The following PSG9 variants were observed in gnomAD, a reference collection of about 807,000 sequenced individuals.
PSG9 encodes pregnancy-specific beta-1-glycoprotein 9.
PSG9 carries 49 observed loss-of-function variants against 41.9 expected under a neutral mutation model. The observed-to-expected ratio is 1.17, with a 90% CI of 0.93 to 1.48. The LOEUF is 1.48. Among genes scored for constraint, PSG9 ranks in the 40% most tolerant of loss-of-function variants. The probability of loss-of-function intolerance (pLI) is 0.00; values close to 1 mark genes in which losing one functional copy is unlikely to be tolerated. For synonymous variants in PSG9, 263 were observed against 196.8 expected, an observed-to-expected ratio of 1.34 and a Z score of -2.82; for missense variants, 641 against 520.3, an observed-to-expected ratio of 1.23 and a Z score of -2.26.
At chr19:43,260,269 T>A (rs941482389) in intron 3 of PSG9, 1 of 147,278 alleles carries the variant, frequency 6.8e-6, no homozygotes, top group African/African-American at 2.6e-5. Flanking sequence ...TAGAGCTTGA[T>A]GCCTATAGTT....
At chr19:43,265,678 TC>T (rs1968931713) in intron 2 of PSG9, among the ~76,000 whole-genome samples, 3 of 152,088 alleles carry the variant, frequency 2.0e-5, no homozygotes, top group South Asian at 4.1e-4. Context: ...AAAATCTTTC[TC>T]CGACTACAGA....
chr19:43,262,240 C>T (rs8108259), intron 2 of PSG9, 102 bp from the exon 3 acceptor site: 1 of 1,530,186 alleles, frequency 6.5e-7, no homozygotes, highest in Non-Finnish European at 8.8e-7. Flanking sequence ...CAGCCCAACC[C>T]AGTCCTTAAA....
intron 2 of PSG9, among the ~76,000 whole-genome samples, chr19:43,266,030 G>C (rs573241379): frequency 1.3e-5 from 2 of 151,818 alleles, no homozygotes; most frequent in Non-Finnish European, 2.9e-5. Flanking sequence ...CTAGGGGTGG[G>C]GGAAGAAGCT....
chr19:43,262,579 G>A (rs778550327), intron 2 of PSG9, among the ~76,000 whole-genome samples: 8 of 152,188 alleles, frequency 5.3e-5, no homozygotes, highest in Non-Finnish European at 8.8e-5. Context: ...CTAGAGATGG[G>A]TGATGGAACT....
rs1968435653 is a variant in PSG9, at chr19:43,256,113, G to A, written c.1243+2089C>T. Among the ~76,000 whole-genome samples the A allele has an allele frequency of 1.4e-5, 2 of 146,658 alleles. 1 individual carries two copies. Among genetic ancestry groups the A allele is most frequent in the African/African-American group, 5.2e-5 (2 of 38,586 alleles). On this transcript the variant is annotated intron_variant, in intron 5 of 5. Transcript: ENST00000270077. ...GATTTCAGCATTTACAATGGGGAAG[G>A]GACAGTGTTCTCACCAAAGGATATT... is the stretch of plus-strand genomic sequence containing the variant.
At chr19:43,263,227 C>T (rs1013461398) in intron 2 of PSG9, among the ~76,000 whole-genome samples, 2 of 152,036 alleles carry the variant, frequency 1.3e-5, no homozygotes, top group South Asian at 2.1e-4. Context: ...GTGTGCAGTT[C>T]CAGTTATGCA....
At chr19:43,268,477 C>A (rs1969091065) in intron 1 of PSG9, among the ~76,000 whole-genome samples, 1 of 152,166 alleles carries the variant, frequency 6.6e-6, no homozygotes, top group Non-Finnish European at 1.5e-5. Flanking sequence ...CACATCAGGG[C>A]ATCCTTAGAC....
chr19:43,267,626 G>T (rs1865183843), intron 2 of PSG9, among the ~76,000 whole-genome samples, 158 bp downstream of exon 2: 1 of 152,118 alleles, frequency 6.6e-6, no homozygotes. Context: ...GTTGAAATTT[G>T]TCTCCTCTGT....
rs1968572059 is a variant in PSG9 at position 43,258,898 on chromosome 19, T to C, written c.947A>G (p.Tyr316Cys). The C allele has an allele frequency of 3.8e-6, 6 of 1,584,080 alleles. No individual in the cohort carries two copies. Among genetic ancestry groups the C allele is most frequent in the Non-Finnish European group, 4.3e-6 (5 of 1,170,996 alleles). Reference protein sequence around the residue: ...GPYQCEIRDRYGGLRSNPVIL... With the variant: ...GPYQCEIRDRCGGLRSNPVIL... ...GACTGGGTTACTGCGGAGGCCACCA[T>C]ATCGGTCCCGTATTTCACATTGATA... The change falls in exon 4 of 6, where the codon TAT becomes TGT. Residue 316 changes from tyrosine to cysteine, a missense_variant. By Grantham distance (194) the Tyr-to-Cys change is radical. Transcript: ENST00000270077.
At chr19:43,257,702 T>G in intron 5 of PSG9, 1 of 1,120,852 alleles carries the variant, frequency 8.9e-7, no homozygotes, top group Non-Finnish European at 1.1e-6. Flanking sequence ...GCAGGGCCAG[T>G]CACCAGAGGA....
At position 43,269,515 on chromosome 19, in the gene PSG9, T is replaced by C. The variant is rs1478032376; in HGVS notation, c.-84A>G. On this transcript the variant is annotated 5_prime_UTR_variant, in exon 1 of 6. Coordinates refer to ENST00000270077, the MANE Select transcript of PSG9 (RefSeq NM_002784.5). Reference sequence around the variant, plus strand: ...CTGAGCACGGCTGTCAGCTGTGCTGTCCTTCCTCCTTCTGTGCTGAGCCTC... The same window carrying C: ...CTGAGCACGGCTGTCAGCTGTGCTGCCCTTCCTCCTTCTGTGCTGAGCCTC... 1.9e-6 allele frequency: 3 copies of C among 1,571,110 alleles called. No homozygotes were observed. Among genetic ancestry groups the C allele is most frequent in the Non-Finnish European group, 2.6e-6 (3 of 1,149,146 alleles).
intron 2 of PSG9, among the ~76,000 whole-genome samples, chr19:43,263,450 C>G (rs1968820257): frequency 6.6e-6 from 1 of 152,086 alleles, no homozygotes; most frequent in African/African-American, 2.4e-5. Flanking sequence ...TTTAGCATCA[C>G]ATCAGTGGTC....
Position 43,253,968 on chromosome 19 carries a change from A to G in PSG9, c.1244-322T>C, listed in dbSNP as rs59062065. On this transcript the variant is annotated intron_variant, in intron 5 of 5. Transcript: ENST00000270077. ...TGTCTTCCCTGATAAATTACCTTGTATGTCTAATCCCATCTTGGATGCATC... is the reference window on the plus strand; with the variant it reads ...TGTCTTCCCTGATAAATTACCTTGTGTGTCTAATCCCATCTTGGATGCATC... 1.4e-5 allele frequency among the ~76,000 whole-genome samples: 2 copies of G among 145,854 alleles called. 1 individual carries two copies. Among genetic ancestry groups the G allele is most frequent in the South Asian group, 4.4e-4 (2 of 4,578 alleles).
chr19:43,266,546 A>G (rs919424431), intron 2 of PSG9, among the ~76,000 whole-genome samples: 3 of 151,954 alleles, frequency 2.0e-5, no homozygotes, highest in Non-Finnish European at 4.4e-5. Context: ...GAAACACAGG[A>G]TTTCACGTTC....
chr19:43,261,201 A>T (rs547519403), intron 3 of PSG9, among the ~76,000 whole-genome samples: 1 of 152,244 alleles, frequency 6.6e-6, no homozygotes, highest in East Asian at 1.9e-4. Flanking sequence ...CCAGGGACCC[A>T]CTTACCAGGG....
Position 43,262,138 on chromosome 19 carries a change from A to G in PSG9, c.431T>C (p.Leu144Ser), listed in dbSNP as rs1255458134. 6 of 1,612,568 alleles carry G rather than the reference A, an allele frequency of 3.7e-6. No homozygotes were observed. Among genetic ancestry groups the G allele is most frequent in the Non-Finnish European group, 5.1e-6 (6 of 1,179,074 alleles). Residue 144 changes from leucine to serine, a missense_variant and splice_region_variant, in exon 3 of 6, where the codon TTG becomes TCG. Leu to Ser is a moderately radical substitution (Grantham distance 145). Transcript: ENST00000270077. Reference sequence around the variant, plus strand: ...GGAGATGTAGGGCTTGGGAGTCTCCACTGTGCAGAAAACAGAGAGAAGATT... The same window carrying G: ...GGAGATGTAGGGCTTGGGAGTCTCCGCTGTGCAGAAAACAGAGAGAAGATT... ...EIRHFTFTLY[L>S]ETPKPYISSS...
intron 2 of PSG9, among the ~76,000 whole-genome samples, chr19:43,264,573 T>C (rs1029308908): frequency 6.6e-6 from 1 of 152,102 alleles, no homozygotes; most frequent in African/African-American, 2.4e-5. Context: ...TTCTCCTGCC[T>C]AGGCCTCCCA....
chr19:43,256,349 A>G (rs1968444095), intron 5 of PSG9, among the ~76,000 whole-genome samples: 2 of 147,012 alleles, frequency 1.4e-5, no homozygotes, highest in African/African-American at 2.6e-5. Flanking sequence ...ATCGGACTTC[A>G]CAAAAATCAA....
rs1203667237 is a variant in PSG9, at chr19:43,261,957, T to G, written c.612A>C (p.Leu204=). 1.9e-6 allele frequency: 3 copies of G among 1,612,596 alleles called. No individual in the cohort carries two copies. The highest frequency in any genetic ancestry group is 2.5e-6 in the Non-Finnish European group (3 of 1,179,664). Residue 204 remains leucine, a synonymous_variant, in exon 3 of 6, where the codon CTA becomes CTC. Coordinates refer to ENST00000270077, the MANE Select transcript of PSG9 (RefSeq NM_002784.5). ...QLSKTNRTLY[L]FGVTKYIAGP... is the part of the protein sequence containing the mutation. The stretch of plus-strand genomic sequence containing the variant: ...CTGCAATATACTTTGTGACACCAAA[T>G]AGATAGAGGGTCCTGTTGGTTTTGG...
Sources: allele counts gnomAD v4.1 joint callset (sites outside exome capture counted in the v4.1 genomes callset), GRCh38; gene constraint gnomAD v4.1.1; transcripts MANE v1.5; gene names NCBI Gene and HGNC (gene_info 2026-07-23, HGNC 2026-07-21).